The following PKNOX2 variants were observed in gnomAD, a reference collection of about 807,000 sequenced individuals.
PKNOX2 encodes the protein PBX/knotted 1 homeobox 2, also known as homeobox protein PKNOX2.
A neutral mutation model predicts 53.1 loss-of-function variants in PKNOX2; 14 were observed. The observed-to-expected ratio is 0.26, with a 90% CI of 0.17 to 0.41. The LOEUF (loss-of-function observed/expected upper bound fraction) is 0.41, where lower values mean the gene tolerates loss of function less well. PKNOX2 is among the 10% of genes least tolerant of loss of function. The pLI is 1.00. For synonymous variants in PKNOX2, 257 were observed against 242.8 expected, an observed-to-expected ratio of 1.06 and a Z score of -0.54; for missense variants, 496 against 602.8, an observed-to-expected ratio of 0.82 and a Z score of 1.85.
At chr11:125,278,539 T>C (rs1157769675) in intron 2 of PKNOX2, among the ~76,000 whole-genome samples, 1 of 152,168 alleles carries the variant, frequency 6.6e-6, no homozygotes, top group African/African-American at 2.4e-5. Flanking sequence ...AGTGTGGTCC[T>C]GGAGGGCACA....
At chr11:125,322,991 C>T (rs1426301193) in intron 2 of PKNOX2, among the ~76,000 whole-genome samples, 2 of 152,326 alleles carry the variant, frequency 1.3e-5, no homozygotes, top group Middle Eastern at 3.4e-3. Flanking sequence ...CTTATTAACA[C>T]TGGACCAAGG....
intron 7 of PKNOX2, among the ~76,000 whole-genome samples, chr11:125,401,735 G>A (rs996390670): frequency 5.9e-5 from 9 of 151,948 alleles, no homozygotes; most frequent in Non-Finnish European, 1.3e-4. Flanking sequence ...AGACACAGGA[G>A]CCTGTATGAG....
chr11:125,400,428 TG>T (rs917897487), intron 7 of PKNOX2, among the ~76,000 whole-genome samples: 13 of 152,190 alleles, frequency 8.5e-5, no homozygotes, highest in South Asian at 2.1e-4. Flanking sequence ...TTTCTAACTT[TG>T]TTCATGTCAT....
chr11:125,388,616 G>A (rs1953814646), intron 6 of PKNOX2, among the ~76,000 whole-genome samples: 1 of 151,894 alleles, frequency 6.6e-6, no homozygotes, highest in African/African-American at 2.4e-5. Flanking sequence ...CCCCAGCTGG[G>A]CCCTGCTTTC....
intron 1 of PKNOX2, among the ~76,000 whole-genome samples, chr11:125,167,389 G>A (rs1565459970): frequency 6.6e-6 from 1 of 152,142 alleles, no homozygotes; most frequent in Non-Finnish European, 1.5e-5. Context: ...CTGCCGCCGC[G>A]GAGCTCCAAG....
rs534584712 is a variant in PKNOX2 at position 125,413,596 on chromosome 11, TA to T, written c.936+1732del. ...ATACGATGCAGGGTCACAGGGGTGC[TA>T]GAAAGCTCATGGGCTTTTGAGGCAG... is the stretch of plus-strand genomic sequence containing the variant. On this transcript the variant is annotated intron_variant, in intron 10 of 12. Transcript: ENST00000298282. Among the ~76,000 whole-genome samples the T allele has an allele frequency of 2.6e-3, 392 of 152,302 alleles. 4 individuals carry two copies. Among genetic ancestry groups the T allele is most frequent in the African/African-American group, 9.1e-3 (379 of 41,562 alleles).
intron 1 of PKNOX2, among the ~76,000 whole-genome samples, chr11:125,195,824 C>T (rs148973182): frequency 2.3e-4 from 35 of 150,252 alleles, no homozygotes; most frequent in South Asian, 1.1e-3. Flanking sequence ...AGTGTTTGTG[C>T]GATGGCCTCC....
At chr11:125,189,437 GTGTGTGTGTGTATA>G (rs869231562) in intron 1 of PKNOX2, among the ~76,000 whole-genome samples, 320 of 57,164 alleles carry the variant, frequency 5.6e-3, no homozygotes, top group South Asian at 9.6e-3. Context: ...GTGTGTGTGT[GTGTGTGTGTGTATA>G]TATATATATA....
At chr11:125,373,706 T>C (rs1474651082) in intron 5 of PKNOX2, among the ~76,000 whole-genome samples, 1 of 152,170 alleles carries the variant, frequency 6.6e-6, no homozygotes, top group Non-Finnish European at 1.5e-5. Flanking sequence ...TACAATTCAA[T>C]TAATTATGAA....
intron 4 of PKNOX2, among the ~76,000 whole-genome samples, chr11:125,361,893 C>T (rs944158557): frequency 3.3e-5 from 5 of 152,328 alleles, no homozygotes; most frequent in African/African-American, 7.2e-5. Flanking sequence ...TGTGGGCTCT[C>T]GGCCTCCAGG....
intron 1 of PKNOX2, among the ~76,000 whole-genome samples, chr11:125,217,058 A>C (rs993298506): frequency 1.3e-5 from 2 of 150,418 alleles, no homozygotes; most frequent in Non-Finnish European, 3.0e-5. Context: ...CACACACACA[A>C]AGTCACACCC....
In PKNOX2 at chr11:125,208,204, A is replaced by C. The variant is rs907898673; in HGVS notation, c.-200-26841A>C. On this transcript the variant is annotated intron_variant, in intron 1 of 12. Coordinates refer to ENST00000298282, the MANE Select transcript of PKNOX2 (RefSeq NM_001382323.2). ...CAGTGGAAAACAGGCATTCCAGCAG[A>C]TAGAAGGGATATGCAAAGGTCCTGA... Among the ~76,000 whole-genome samples the C allele has an allele frequency of 2.4e-4, 36 of 152,088 alleles. 1 individual carries two copies. The highest frequency in any genetic ancestry group is 1.2e-4 in the African/African-American group (5 of 41,426).
At chr11:125,243,925 A>G (rs934547337) in intron 2 of PKNOX2, among the ~76,000 whole-genome samples, 1 of 152,106 alleles carries the variant, frequency 6.6e-6, no homozygotes, top group African/African-American at 2.4e-5. Flanking sequence ...CCCAGCCTGT[A>G]CCTGGGACCC....
intron 2 of PKNOX2, among the ~76,000 whole-genome samples, chr11:125,305,456 G>C (rs1043582060): frequency 1.3e-5 from 2 of 152,090 alleles, no homozygotes; most frequent in African/African-American, 4.8e-5. Context: ...CAGAGAGCAC[G>C]CATACACCCT....
At chr11:125,237,669 C>T (rs553019193) in intron 2 of PKNOX2, among the ~76,000 whole-genome samples, 40 of 152,316 alleles carry the variant, frequency 2.6e-4, no homozygotes, top group African/African-American at 1.2e-4. Flanking sequence ...AAAGGGCCCT[C>T]GGAGGCCAGG....
chr11:125,178,669 GGAAA>G (rs1555108416), intron 1 of PKNOX2, among the ~76,000 whole-genome samples: 1,391 of 86,224 alleles, frequency 0.016, 96 homozygotes, highest in African/African-American at 0.021. Flanking sequence ...AAGGAAGGAA[GGAAA>G]GAAAGAGAGA....
intron 10 of PKNOX2, among the ~76,000 whole-genome samples, chr11:125,414,478 G>A (rs1955762832): frequency 6.6e-6 from 1 of 152,164 alleles, no homozygotes; most frequent in Admixed American, 6.5e-5. Context: ...CAGAACTTTG[G>A]GACTGAAGGG....
At chr11:125,273,349 G>T (rs1945943071) in intron 2 of PKNOX2, among the ~76,000 whole-genome samples, 2 of 152,240 alleles carry the variant, frequency 1.3e-5, no homozygotes, top group African/African-American at 4.8e-5. Context: ...AAGAAAAGGG[G>T]AGAATGCAAA....
At chr11:125,377,750 A>C (rs1952927245) in intron 5 of PKNOX2, among the ~76,000 whole-genome samples, 1 of 152,236 alleles carries the variant, frequency 6.6e-6, no homozygotes, top group East Asian at 1.9e-4. Context: ...TGATGAGCAA[A>C]AACAAACAAA....
Sources: gnomAD v4.1 joint callset for allele counts (sites outside exome capture counted in the v4.1 genomes callset) on GRCh38, gnomAD v4.1.1 for gene constraint, MANE v1.5 for transcripts, NCBI Gene and HGNC (gene_info 2026-07-23, HGNC 2026-07-21) for gene names.